The following CDH13 variants were observed in gnomAD, a reference collection of about 807,000 sequenced individuals.
CDH13 encodes the protein cadherin 13.
A neutral mutation model predicts 63.8 loss-of-function variants in CDH13; 24 were observed. That is an observed-to-expected ratio of 0.38 (90% CI 0.27 to 0.53). CDH13 has a LOEUF of 0.53. CDH13 is among the 20% of genes least tolerant of loss of function. CDH13 has a pLI of 0.85. For missense variants in CDH13, 1,049 were observed against 903.1 expected (o/e 1.16, Z -2.07); for synonymous variants, 503 against 355.3 (o/e 1.42, Z -4.67).
chr16:83,262,692 G>A (rs1327600475), intron 5 of CDH13, among the ~76,000 whole-genome samples: 1 of 152,150 alleles, frequency 6.6e-6, no homozygotes, highest in East Asian at 1.9e-4. Flanking sequence ...TAACTTTCAA[G>A]GGAAAGGGTT....
intron 7 of CDH13, among the ~76,000 whole-genome samples, chr16:83,534,413 C>T (rs532918931): frequency 2.0e-5 from 3 of 152,300 alleles, no homozygotes; most frequent in Non-Finnish European, 2.9e-5. Flanking sequence ...GGGGCCGTTA[C>T]AAGCATTAAA....
In CDH13 at chr16:82,689,717, A is replaced by G. The variant is rs373126904; in HGVS notation, c.45+62580A>G. ...ATTGTAAAGGGACTCCTGTCCTCAG[A>G]GTGCCAGGCCTCACATTTACATTCT... On this transcript the variant is annotated intron_variant, in intron 1 of 13. Coordinates refer to ENST00000567109, the MANE Select transcript of CDH13 (RefSeq NM_001257.5). Among the ~76,000 whole-genome samples the G allele has an allele frequency of 1.0e-3, 151 of 151,264 alleles. 1 individual carries two copies. The highest frequency in any genetic ancestry group is 3.5e-3 in the African/African-American group (144 of 40,624).
At chr16:83,270,803 A>G (rs1597629840) in intron 5 of CDH13, among the ~76,000 whole-genome samples, 1 of 129,268 alleles carries the variant, frequency 7.7e-6, no homozygotes, top group African/African-American at 3.0e-5. Flanking sequence ...TTTTGTTGTT[A>G]GTGTCAAAGA....
At position 83,798,663 on chromosome 16, in the gene CDH13, A is replaced by C. The variant is rs910140816; in HGVS notation, c.*3633A>C. ...ATGCCACTCTCAACCCAGGAGCAAA[A>C]CCAGACAAAGTGCCTACTGCAGACC... On this transcript the variant is annotated 3_prime_UTR_variant, in exon 14 of 14. Coordinates refer to ENST00000567109, the MANE Select transcript of CDH13 (RefSeq NM_001257.5). 1 of 152,214 alleles carries C rather than the reference A, an allele frequency of 6.6e-6. No homozygotes were observed. 9.4% of individuals were successfully genotyped at this position (152,214 alleles called of 1,614,324 possible). A position where few individuals can be genotyped will look rare whatever the true frequency, so the allele number is the denominator to read the frequency against.
In CDH13 at chr16:83,470,706, G is replaced by A. The variant is rs553203386; in HGVS notation, c.782-15771G>A. ...CAACCACAGGCTCAGCAGATAACAC[G>A]CCTAGCCCAGAGCTGCACGTCCTCT... On this transcript the variant is annotated intron_variant, in intron 6 of 13. Coordinates refer to ENST00000567109, the MANE Select transcript of CDH13 (RefSeq NM_001257.5). Among the ~76,000 whole-genome samples, 50 of 152,224 alleles carry A rather than the reference G, an allele frequency of 3.3e-4. 1 individual carries two copies. The highest frequency in any genetic ancestry group is 6.2e-4 in the Non-Finnish European group (42 of 68,018).
chr16:83,626,543 C>T (rs1173302391), intron 8 of CDH13, among the ~76,000 whole-genome samples: 2 of 152,234 alleles, frequency 1.3e-5, no homozygotes, highest in South Asian at 4.2e-4. Flanking sequence ...GTTTCCAAAC[C>T]TGGACTGGGT....
At chr16:83,105,792 C>T (rs2034734293) in intron 3 of CDH13, among the ~76,000 whole-genome samples, 1 of 152,146 alleles carries the variant, frequency 6.6e-6, no homozygotes. Context: ...CAACAGGCAG[C>T]CATTGTCATG....
intron 6 of CDH13, among the ~76,000 whole-genome samples, chr16:83,414,428 G>T (rs1215427646): frequency 6.6e-6 from 1 of 152,044 alleles, no homozygotes; most frequent in Non-Finnish European, 1.5e-5. Context: ...TTATTTTATT[G>T]TGATAAGGAC....
intron 5 of CDH13, among the ~76,000 whole-genome samples, chr16:83,302,138 C>T (rs1340119891): frequency 6.6e-6 from 1 of 152,148 alleles, no homozygotes; most frequent in Admixed American, 6.5e-5. Flanking sequence ...ACAGAGTTCT[C>T]AGTGTAGAGT....
chr16:82,973,559 C>T (rs761653794), intron 2 of CDH13, among the ~76,000 whole-genome samples: 13 of 152,118 alleles, frequency 8.5e-5, no homozygotes, highest in Non-Finnish European at 1.2e-4. Context: ...AAGGCGCTCA[C>T]GGTAAAGCTA....
intron 3 of CDH13, among the ~76,000 whole-genome samples, chr16:83,066,429 C>T (rs2032015725): frequency 6.6e-6 from 1 of 152,122 alleles, no homozygotes; most frequent in South Asian, 2.1e-4. Flanking sequence ...GAGTTGGTTG[C>T]CCAACCAAGC....
At chr16:83,164,901 A>G (rs188238252) in intron 4 of CDH13, among the ~76,000 whole-genome samples, 1 of 152,006 alleles carries the variant, frequency 6.6e-6, no homozygotes, top group East Asian at 1.9e-4. Flanking sequence ...TACAGATAAA[A>G]ACACTAATGC....
intron 7 of CDH13, among the ~76,000 whole-genome samples, chr16:83,567,602 T>C (rs867425404): frequency 1.3e-5 from 2 of 152,196 alleles, no homozygotes; most frequent in South Asian, 4.1e-4. Flanking sequence ...TTTTTGTTTT[T>C]GTTTTTGTTT....
At chr16:82,926,302 AAAAAG>A (rs1474735885) in intron 2 of CDH13, among the ~76,000 whole-genome samples, 4 of 152,174 alleles carry the variant, frequency 2.6e-5, no homozygotes, top group Admixed American at 1.3e-4. Context: ...AAAAAGAAAA[AAAAAG>A]GCCAGAAGAC....
At chr16:82,935,671 C>A (rs897257240) in intron 2 of CDH13, among the ~76,000 whole-genome samples, 1 of 152,120 alleles carries the variant, frequency 6.6e-6, no homozygotes, top group Admixed American at 6.5e-5. Flanking sequence ...TGGACCACAG[C>A]AGGAGAGTCA....
chr16:82,705,292 T>C (rs931577316), intron 1 of CDH13: 2 of 378,850 alleles, frequency 5.3e-6, no homozygotes, highest in African/African-American at 4.2e-5. Flanking sequence ...GTCCAATATA[T>C]TCTTACTTAA....
intron 1 of CDH13, among the ~76,000 whole-genome samples, chr16:82,687,295 T>C (rs2150969809): frequency 6.6e-6 from 1 of 152,162 alleles, no homozygotes; most frequent in South Asian, 2.1e-4. Flanking sequence ...TGGGTGGTGG[T>C]GGGGTTACTA....
chr16:83,006,992 C>T (rs989208389), intron 2 of CDH13, among the ~76,000 whole-genome samples: 4 of 150,236 alleles, frequency 2.7e-5, no homozygotes, highest in Admixed American at 6.7e-5. Context: ...GGCATGATCT[C>T]GGCTCATCAC....
At chr16:83,124,706 C>A (rs1203774916) in intron 3 of CDH13, among the ~76,000 whole-genome samples, 1 of 152,016 alleles carries the variant, frequency 6.6e-6, no homozygotes, top group Non-Finnish European at 1.5e-5. Flanking sequence ...AGCTGTGGGT[C>A]CAATTTCACT....
Sources: allele counts gnomAD v4.1 joint callset (sites outside exome capture counted in the v4.1 genomes callset), GRCh38; gene constraint gnomAD v4.1.1; transcripts MANE v1.5; gene names NCBI Gene and HGNC (gene_info 2026-07-23, HGNC 2026-07-21).